RNF10: variants seen among roughly 807,000 people sequenced by gnomAD.
RNF10 encodes ring finger protein 10.
RNF10 carries 38 observed loss-of-function variants against 91.4 expected under a neutral mutation model. The observed-to-expected ratio is 0.42, with a 90% CI of 0.32 to 0.54. The LOEUF (loss-of-function observed/expected upper bound fraction) is 0.54. Among genes scored for constraint, RNF10 ranks in the 20% least tolerant of loss-of-function variants. The probability of loss-of-function intolerance (pLI) is 0.16; values close to 1 mark genes in which losing one functional copy is unlikely to be tolerated. For synonymous variants in RNF10, 364 were observed against 366.3 expected (o/e 0.99, Z 0.07); for missense variants, 945 against 1,012.0 (o/e 0.93, Z 0.90).
rs201672608 is a variant in RNF10 at position 120,560,785 on chromosome 12, C to T, written c.1027C>T (p.Arg343Trp). 17 of 1,613,730 alleles carry T rather than the reference C, an allele frequency of 1.1e-5. No homozygotes were observed. The East Asian group carries it at 1.1e-4, about 11-fold the overall frequency. ...LLASKEQVLH[R>W]VVLEEKVALE... ...GGCCTCTAAGGAGCAGGTGCTGCAC[C>T]GGGTAGTTCTGGAGGAGAAAGTAGC... Residue 343 changes from arginine (R) to tryptophan (W), a missense_variant, in exon 7 of 17, where the codon CGG becomes TGG. By Grantham distance (101) the Arg-to-Trp change is moderately radical. Coordinates refer to ENST00000325954, the MANE Select transcript of RNF10 (RefSeq NM_014868.5).
chr12:120,574,493 C>T (rs758899278), intron 14 of RNF10: 6 of 455,926 alleles, frequency 1.3e-5, no homozygotes, highest in Non-Finnish European at 2.6e-5. Context: ...GTGGTTGGAT[C>T]TGAAAGTTAA....
Position 120,534,802 on chromosome 12 carries a change from GC to G in RNF10, c.-5del. On this transcript the variant is annotated 5_prime_UTR_variant, in exon 1 of 17. Transcript: ENST00000325954. ...CGCTCCGACTGCCGTCGCCGCCGAG[GC>G]CCCCGTTGATGCCGCTGAGCTCCCC... is the stretch of plus-strand genomic sequence containing the variant. 6.4e-7 allele frequency: 1 copy of G among 1,562,700 alleles called. No individual in the cohort carries two copies.
intron 6 of RNF10, among the ~76,000 whole-genome samples, chr12:120,558,007 C>G (rs1280471907): frequency 1.3e-5 from 2 of 152,176 alleles, no homozygotes; most frequent in Admixed American, 1.3e-4. Context: ...ATAGAAGAGA[C>G]AGACTGGTAG....
intron 16 of RNF10, among the ~76,000 whole-genome samples, chr12:120,576,242 A>AT (rs1877376072): frequency 6.6e-6 from 1 of 152,204 alleles, no homozygotes; most frequent in African/African-American, 2.4e-5. Flanking sequence ...AGGGTGGCTA[A>AT]TTAGATGGAG....
intron 7 of RNF10, among the ~76,000 whole-genome samples, chr12:120,561,124 T>C (rs1358222035): frequency 6.6e-6 from 1 of 152,214 alleles, no homozygotes; most frequent in East Asian, 1.9e-4. Context: ...AAGCTCTTTC[T>C]AGAGCTGAAA....
At chr12:120,553,044 T>G (rs964750418) in intron 3 of RNF10, among the ~76,000 whole-genome samples, 6 of 4,248 alleles carry the variant, frequency 1.4e-3, no homozygotes, top group East Asian at 4.6e-3. Context: ...AAAGGTTTTT[T>G]TTTTTTTTTT....
rs1021136960 is a variant in RNF10 at position 120,568,342 on chromosome 12, T to TA, written c.2041+1363dup. On this transcript the variant is annotated intron_variant, in intron 13 of 16. Coordinates refer to ENST00000325954, the MANE Select transcript of RNF10 (RefSeq NM_014868.5). ...GGATTGAAATGTTCAAATGGGCCTT[T>TA]AGCCTTCAAAAAGTTTGTCTTATAT... is the stretch of plus-strand genomic sequence containing the variant. 9.0e-4 allele frequency among the ~76,000 whole-genome samples: 137 copies of TA among 152,336 alleles called. 1 individual carries two copies. The highest frequency in any genetic ancestry group is 3.1e-3 in the African/African-American group (127 of 41,590).
At position 120,557,401 on chromosome 12, in the gene RNF10, G is replaced by C; in HGVS notation, c.765G>C (p.Leu255=). Residue 255 remains leucine, a synonymous_variant, in exon 5 of 17, where the codon CTG becomes CTC. Transcript: ENST00000325954. The stretch of plus-strand genomic sequence containing the variant: ...CATGCATCCTGCACTATCTTTCACT[G>C]AGTGAGAAGACGTGGAGTAAATGTC... ...CWACILHYLS[L]SEKTWSKCPI... 1 of 1,614,148 alleles carries C rather than the reference G, an allele frequency of 6.2e-7. No homozygotes were observed. The highest frequency in any genetic ancestry group is 8.5e-7 in the Non-Finnish European group (1 of 1,180,034).
chr12:120,571,375 T>C, intron 14 of RNF10, 84 bp downstream of exon 14: 1 of 988,980 alleles, frequency 1.0e-6, no homozygotes, highest in Non-Finnish European at 1.6e-6. Context: ...CTCCAGGGAT[T>C]GTTACCTCTC....
chr12:120,555,786 G>A (rs912017528), intron 4 of RNF10, among the ~76,000 whole-genome samples: 6 of 148,900 alleles, frequency 4.0e-5, no homozygotes, highest in African/African-American at 7.5e-5. Context: ...ATGAGCCATC[G>A]TACCTGGCCT....
chr12:120,575,729 T>G (rs1877301593), intron 15 of RNF10, 41 bp downstream of exon 15: 1 of 1,613,962 alleles, frequency 6.2e-7, no homozygotes, highest in Admixed American at 1.7e-5. Flanking sequence ...TTGGCTTCTT[T>G]CCATAAAAGG....
At chr12:120,572,055 T>A (rs1047738525) in intron 14 of RNF10, among the ~76,000 whole-genome samples, 1 of 130,584 alleles carries the variant, frequency 7.7e-6, no homozygotes, top group African/African-American at 2.7e-5. Flanking sequence ...AATCATTATC[T>A]TGACAGTTTT....
At chr12:120,576,143 T>C (rs1216132300) in intron 16 of RNF10, among the ~76,000 whole-genome samples, 193 bp downstream of exon 16, 1 of 152,186 alleles carries the variant, frequency 6.6e-6, no homozygotes, top group African/African-American at 2.4e-5. Context: ...CCAGAGAAAT[T>C]GATGACGCCT....
At chr12:120,550,831 C>T (rs1487383394) in intron 2 of RNF10, among the ~76,000 whole-genome samples, 5 of 151,998 alleles carry the variant, frequency 3.3e-5, no homozygotes, top group East Asian at 1.9e-4. Flanking sequence ...CTCCTGACCT[C>T]GTGATCCGCC....
At position 120,569,693 on chromosome 12, in the gene RNF10, A is replaced by G. The variant is rs114112489; in HGVS notation, c.2042-1498A>G. Among the ~76,000 whole-genome samples, 947 of 151,592 alleles carry G rather than the reference A, an allele frequency of 6.2e-3. 9 individuals carry two copies. Among genetic ancestry groups the G allele is most frequent in the African/African-American group, 0.022 (919 of 41,280 alleles). On this transcript the variant is annotated intron_variant, in intron 13 of 16. Coordinates refer to ENST00000325954, the MANE Select transcript of RNF10 (RefSeq NM_014868.5). ...AGCTGGGATTACAGGCAGCACCACCATACCCTGCTAATTTTTGTATTTTTA... is the reference window on the plus strand; with the variant it reads ...AGCTGGGATTACAGGCAGCACCACCGTACCCTGCTAATTTTTGTATTTTTA...
At chr12:120,569,802 T>G (rs2137256251) in intron 13 of RNF10, among the ~76,000 whole-genome samples, 1 of 152,252 alleles carries the variant, frequency 6.6e-6, no homozygotes, top group Admixed American at 6.5e-5. Flanking sequence ...CCTCCCAGTG[T>G]GCTGGGATTA....
In RNF10 at chr12:120,534,583, C is replaced by CGAGCCCCGGCCTCCT; in HGVS notation, c.-228_-214dup. The stretch of plus-strand genomic sequence containing the variant: ...CCCCGCCAGGCCCGGCCCGGACTCC[C>CGAGCCCCGGCCTCCT]GAGCCCCGGCCTCCTCGTCCTCGGT... On this transcript the variant is annotated 5_prime_UTR_variant, in exon 1 of 17. Coordinates refer to ENST00000325954, the MANE Select transcript of RNF10 (RefSeq NM_014868.5). The CGAGCCCCGGCCTCCT allele has an allele frequency of 2.9e-6, 3 of 1,040,796 alleles. No homozygotes were observed. The highest frequency in any genetic ancestry group is 2.9e-4 in the Middle Eastern group (1 of 3,392). The allele number at this position is 1,040,796 out of a possible 1,614,324, so 64.5% of individuals were successfully genotyped here.
At chr12:120,573,314 A>G (rs572170365) in intron 14 of RNF10, among the ~76,000 whole-genome samples, 2 of 152,252 alleles carry the variant, frequency 1.3e-5, no homozygotes, top group African/African-American at 4.8e-5. Context: ...AAGTCTCTTT[A>G]GTCTCCTTTG....
chr12:120,546,337 G>T, intron 1 of RNF10, 68 bp from the exon 2 acceptor site: 2 of 1,447,038 alleles, frequency 1.4e-6, no homozygotes, highest in South Asian at 2.6e-5. Flanking sequence ...TTGCTGGGAG[G>T]TGGAGGGCAG....
Sources: allele counts gnomAD v4.1 joint callset (sites outside exome capture counted in the v4.1 genomes callset), GRCh38; gene constraint gnomAD v4.1.1; transcripts MANE v1.5; gene names NCBI Gene and HGNC (gene_info 2026-07-23, HGNC 2026-07-21).